The following RIMS1 variants were observed in gnomAD, a reference collection of about 807,000 sequenced individuals.
The protein encoded by RIMS1 is regulating synaptic membrane exocytosis protein 1.
RIMS1 carries 83 observed loss-of-function variants against 214.1 expected under a neutral mutation model. That is an observed-to-expected ratio of 0.39 (90% CI 0.32 to 0.47). The LOEUF (loss-of-function observed/expected upper bound fraction) is 0.47. RIMS1 is among the 20% of genes least tolerant of loss of function. RIMS1 has a pLI of 0.99. For synonymous variants in RIMS1, 793 were observed against 786.8 expected, an observed-to-expected ratio of 1.01 and a Z score of -0.13; for missense variants, 2,050 against 2,161.8, an observed-to-expected ratio of 0.95 and a Z score of 1.03.
chr6:72,228,374 T>C (rs1562802578), intron 6 of RIMS1, among the ~76,000 whole-genome samples: 2 of 152,100 alleles, frequency 1.3e-5, no homozygotes, highest in South Asian at 2.1e-4. Context: ...TTGACTATTT[T>C]AGATTCCTCA....
At chr6:72,341,366 C>T (rs1015483935) in intron 29 of RIMS1, among the ~76,000 whole-genome samples, 1 of 151,682 alleles carries the variant, frequency 6.6e-6, no homozygotes, top group Non-Finnish European at 1.5e-5. Context: ...TGTGTGGAAT[C>T]TAAAACTATA....
chr6:72,203,040 T>C (rs2052303194), intron 6 of RIMS1, among the ~76,000 whole-genome samples: 2 of 152,078 alleles, frequency 1.3e-5, no homozygotes, highest in African/African-American at 2.4e-5. Context: ...CAGGCCGGAG[T>C]GTGGTGGTGC....
At chr6:71,953,422 CA>C (rs1337305445) in intron 1 of RIMS1, among the ~76,000 whole-genome samples, 1 of 152,068 alleles carries the variant, frequency 6.6e-6, no homozygotes, top group Non-Finnish European at 1.5e-5. Context: ...AAGCAAATGG[CA>C]TAGCTAAACT....
rs1596464027 is a variant in RIMS1, at chr6:72,401,225, T to A, written c.*511T>A. ...ACCACATCTGTTATTTCCACTAGTT[T>A]TTTTTTGGCTGTGTCATGACAGGCC... On this transcript the variant is annotated 3_prime_UTR_variant, in exon 34 of 34. Transcript: ENST00000521978. 1 of 153,834 alleles carries A rather than the reference T, an allele frequency of 6.5e-6. No individual in the cohort carries two copies. The highest frequency in any genetic ancestry group is 1.5e-5 in the Non-Finnish European group (1 of 68,812). The allele number at this position is 153,834 out of a possible 1,614,324, so 9.5% of individuals were successfully genotyped here. A position where few individuals can be genotyped will look rare whatever the true frequency, so the allele number is the denominator to read the frequency against.
chr6:72,011,357 AC>A (rs1810512931), intron 2 of RIMS1, among the ~76,000 whole-genome samples: 1 of 152,240 alleles, frequency 6.6e-6, no homozygotes, highest in Non-Finnish European at 1.5e-5. Flanking sequence ...TAAATGTTGG[AC>A]CTAAAACCAT....
At chr6:72,133,773 G>A (rs2040836781) in intron 4 of RIMS1, among the ~76,000 whole-genome samples, 1 of 152,076 alleles carries the variant, frequency 6.6e-6, no homozygotes, top group African/African-American at 2.4e-5. Flanking sequence ...AATAATGCAG[G>A]TGGGAAAATT....
At chr6:72,093,613 G>T (rs1488460731) in intron 2 of RIMS1, among the ~76,000 whole-genome samples, 1 of 151,626 alleles carries the variant, frequency 6.6e-6, no homozygotes, top group African/African-American at 2.4e-5. Flanking sequence ...TTTGTCTTTT[G>T]ATGATACTTC....
chr6:72,110,184 G>C (rs1313787051), intron 4 of RIMS1, among the ~76,000 whole-genome samples: 10 of 152,152 alleles, frequency 6.6e-5, no homozygotes, highest in African/African-American at 2.4e-4. Context: ...TGGCAATGCA[G>C]GCCCTTTTTT....
intron 6 of RIMS1, among the ~76,000 whole-genome samples, chr6:72,212,614 A>G (rs1047640242): frequency 1.4e-4 from 21 of 152,198 alleles, no homozygotes; most frequent in African/African-American, 3.4e-4. Flanking sequence ...TGGCCATTTC[A>G]TTGTCATAAA....
chr6:72,251,175 G>C (rs1563080992), intron 14 of RIMS1, 40 bp from the exon 15 acceptor site: 2 of 1,568,904 alleles, frequency 1.3e-6, no homozygotes, highest in South Asian at 2.3e-5. Flanking sequence ...ATTATGTTTT[G>C]ATAAAGGTAC....
intron 10 of RIMS1, among the ~76,000 whole-genome samples, chr6:72,244,408 TTGC>T (rs1226087755): frequency 6.6e-6 from 1 of 151,846 alleles, no homozygotes; most frequent in African/African-American, 2.4e-5. Flanking sequence ...TTCAACAACT[TTGC>T]CACCATTCTT....
chr6:71,985,787 C>T (rs1799766676), intron 2 of RIMS1, among the ~76,000 whole-genome samples: 1 of 152,138 alleles, frequency 6.6e-6, no homozygotes, highest in Admixed American at 6.5e-5. Flanking sequence ...ATGTTCTTTC[C>T]TCTGCCTGGA....
At position 72,161,778 on chromosome 6, in the gene RIMS1, C is replaced by A. The variant is rs1322864673; in HGVS notation, c.472-17797C>A. Among the ~76,000 whole-genome samples, 3 of 140,328 alleles carry A rather than the reference C, an allele frequency of 2.1e-5. 1 individual carries two copies. Among genetic ancestry groups the A allele is most frequent in the Non-Finnish European group, 4.8e-5 (3 of 61,868 alleles). The allele number at this position is 140,328 out of a possible 152,430, so 92.1% of individuals were successfully genotyped here. ...CAGTTTGTTGTGATTTCTGTCCTTT[C>A]ACATTTGCTGAGGAGAGCTTTACTT... On this transcript the variant is annotated intron_variant, in intron 4 of 33. Coordinates refer to ENST00000521978, the MANE Select transcript of RIMS1 (RefSeq NM_014989.7).
intron 4 of RIMS1, among the ~76,000 whole-genome samples, chr6:72,137,191 G>A (rs1187194468): frequency 1.3e-5 from 2 of 151,884 alleles, no homozygotes; most frequent in Non-Finnish European, 2.9e-5. Flanking sequence ...GTTGTTTCAA[G>A]GGTTTTTAAG....
intron 29 of RIMS1, among the ~76,000 whole-genome samples, chr6:72,373,541 G>A (rs2098281872): frequency 6.6e-6 from 1 of 152,230 alleles, no homozygotes; most frequent in South Asian, 2.1e-4. Context: ...TGCCTTGAGA[G>A]TAATAAGCAA....
At chr6:72,382,749 C>T (rs1489537384) in intron 29 of RIMS1, among the ~76,000 whole-genome samples, 1 of 152,222 alleles carries the variant, frequency 6.6e-6, no homozygotes, top group African/African-American at 2.4e-5. Context: ...GGACCATACT[C>T]TTTCTCTTCA....
chr6:72,247,547 A>C (rs1003310419), intron 11 of RIMS1, among the ~76,000 whole-genome samples: 2 of 152,090 alleles, frequency 1.3e-5, no homozygotes, highest in Non-Finnish European at 2.9e-5. Context: ...AAAAAAAAAA[A>C]AAAAAAAACC....
At chr6:72,055,240 A>G (rs905893072) in intron 2 of RIMS1, among the ~76,000 whole-genome samples, 2 of 152,174 alleles carry the variant, frequency 1.3e-5, no homozygotes, top group Non-Finnish European at 2.9e-5. Context: ...AAATAGAATA[A>G]TAGTGGCATT....
chr6:72,103,871 A>G (rs2034186179), intron 4 of RIMS1, among the ~76,000 whole-genome samples: 1 of 152,196 alleles, frequency 6.6e-6, no homozygotes, highest in Non-Finnish European at 1.5e-5. Flanking sequence ...TGTGGTTATC[A>G]TAAAACTTTT....
Sources: gnomAD v4.1 joint callset for allele counts (sites outside exome capture counted in the v4.1 genomes callset) on GRCh38, gnomAD v4.1.1 for gene constraint, MANE v1.5 for transcripts, NCBI Gene and HGNC (gene_info 2026-07-23, HGNC 2026-07-21) for gene names.